Variants in AUTS2 observed in about 807,000 individuals in gnomAD.
The protein encoded by AUTS2 is autism susceptibility gene 2 protein.
In AUTS2, 17 loss-of-function variants were observed where a neutral mutation model predicts 112.4. The ratio of observed to expected loss-of-function variants is 0.15; its 90% CI spans 0.10 to 0.23. The LOEUF is 0.23. Ranked by LOEUF, AUTS2 falls within the 10% of genes least tolerant of loss-of-function variation. The pLI is 1.00. For synonymous variants in AUTS2, 751 were observed against 702.7 expected, an observed-to-expected ratio of 1.07 and a Z score of -1.09; for missense variants, 1,510 against 1,701.6, an observed-to-expected ratio of 0.89 and a Z score of 1.98.
intron 5 of AUTS2, among the ~76,000 whole-genome samples, chr7:70,573,380 A>G (rs937301612): frequency 2.6e-5 from 4 of 152,230 alleles, no homozygotes; most frequent in African/African-American, 9.6e-5. Context: ...GGAGAAAGGC[A>G]CCACGCTGTT....
At position 70,398,528 on chromosome 7, in the gene AUTS2, A is replaced by G. The variant is rs186413647; in HGVS notation, c.661-37224A>G. Among the ~76,000 whole-genome samples, 150 of 152,128 alleles carry G rather than the reference A, an allele frequency of 9.9e-4. 3 individuals are homozygous for G. Among genetic ancestry groups the G allele is most frequent in the Non-Finnish European group, 1.5e-4 (10 of 67,982 alleles). ...AAATGATAACATTTTTAAAATTTAA[A>G]TTTTTGATTGTTGCTAGTACAGTTT... On this transcript the variant is annotated intron_variant, in intron 4 of 18. Transcript: ENST00000342771.
At chr7:69,871,331 C>T (rs1201625612) in intron 1 of AUTS2, among the ~76,000 whole-genome samples, 2 of 152,200 alleles carry the variant, frequency 1.3e-5, no homozygotes, top group Admixed American at 1.3e-4. Context: ...GGTTGTCTGT[C>T]TTTCCTCTGG....
At chr7:70,282,211 C>T (rs1333655970) in intron 4 of AUTS2, among the ~76,000 whole-genome samples, 5 of 152,106 alleles carry the variant, frequency 3.3e-5, no homozygotes, top group Admixed American at 3.3e-4. Context: ...CTAGCATGCA[C>T]CTCAAAACTC....
At chr7:70,696,374 C>G (rs913097980) in intron 5 of AUTS2, among the ~76,000 whole-genome samples, 2 of 152,096 alleles carry the variant, frequency 1.3e-5, no homozygotes, top group Admixed American at 1.3e-4. Flanking sequence ...TCTGGGGAGG[C>G]CTTTCTGAGA....
rs1335397349 is a variant in AUTS2, at chr7:70,791,167, A to T, written c.*171A>T. 3.3e-6 allele frequency: 2 copies of T among 603,920 alleles called. No individual in the cohort carries two copies. The highest frequency in any genetic ancestry group is 4.9e-6 in the Non-Finnish European group (2 of 410,908). The allele number at this position is 603,920 out of a possible 1,614,324, so 37.4% of individuals were successfully genotyped here. A position where few individuals can be genotyped will look rare whatever the true frequency, so the allele number is the denominator to read the frequency against. On this transcript the variant is annotated 3_prime_UTR_variant, in exon 19 of 19. Transcript: ENST00000342771. The stretch of plus-strand genomic sequence containing the variant: ...CACATTTTGAAATGTTTTGTATATT[A>T]TATGTTGAGATTTTTCAGATCTTTT...
intron 4 of AUTS2, among the ~76,000 whole-genome samples, chr7:70,192,579 G>A (rs1809959885): frequency 1.3e-5 from 2 of 152,196 alleles, no homozygotes; most frequent in African/African-American, 2.4e-5. Context: ...AGTAGGTTAA[G>A]AACTGCCACA....
In AUTS2 at chr7:70,026,539, C is replaced by A. The variant is rs889387910; in HGVS notation, c.523-91593C>A. On this transcript the variant is annotated intron_variant, in intron 2 of 18. Coordinates refer to ENST00000342771, the MANE Select transcript of AUTS2 (RefSeq NM_015570.4). ...GCATTTCCTATAGCTTGGCATGGAA[C>A]GATTTGAATGTTTGTGGATGGTGCT... 2.3e-4 allele frequency among the ~76,000 whole-genome samples: 35 copies of A among 152,162 alleles called. 1 individual carries two copies. Among genetic ancestry groups the A allele is most frequent in the Middle Eastern group, 3.4e-3 (1 of 294 alleles).
intron 2 of AUTS2, among the ~76,000 whole-genome samples, chr7:70,034,905 C>T (rs1800933304): frequency 6.6e-6 from 1 of 152,118 alleles, no homozygotes; most frequent in Admixed American, 6.5e-5. Context: ...AATTACAGCT[C>T]AGTACAGCCT....
chr7:70,689,282 G>A (rs1392788890), intron 5 of AUTS2, among the ~76,000 whole-genome samples: 3 of 152,180 alleles, frequency 2.0e-5, no homozygotes, highest in Non-Finnish European at 4.4e-5. Context: ...TCAAGAGGCT[G>A]AGGTAGGAGG....
At chr7:69,726,636 A>G (rs952901188) in intron 1 of AUTS2, among the ~76,000 whole-genome samples, 10 of 152,118 alleles carry the variant, frequency 6.6e-5, no homozygotes, top group Non-Finnish European at 8.8e-5. Context: ...CAGTTTTCCA[A>G]AGTGGTTGTA....
chr7:70,166,817 A>G (rs1808407898), intron 4 of AUTS2, among the ~76,000 whole-genome samples: 1 of 152,268 alleles, frequency 6.6e-6, no homozygotes, highest in South Asian at 2.1e-4. Flanking sequence ...AGCAGAGATT[A>G]TAAAATTGGA....
At chr7:69,851,414 T>A (rs552460921) in intron 1 of AUTS2, among the ~76,000 whole-genome samples, 1 of 152,330 alleles carries the variant, frequency 6.6e-6, no homozygotes, top group South Asian at 2.1e-4. Context: ...TGATGAATAC[T>A]TTTATTTTTA....
In AUTS2 at chr7:70,031,298, T is replaced by G. The variant is rs578030218; in HGVS notation, c.523-86834T>G. On this transcript the variant is annotated intron_variant, in intron 2 of 18. Coordinates refer to ENST00000342771, the MANE Select transcript of AUTS2 (RefSeq NM_015570.4). ...GTGAAAACAGGAGAGCAGCCTCTAA[T>G]AATCTATGGATTTAATGACTGCAAC... is the stretch of plus-strand genomic sequence containing the variant. 2.0e-5 allele frequency among the ~76,000 whole-genome samples: 3 copies of G among 152,314 alleles called. No individual in the cohort carries two copies. In the East Asian group the frequency reaches 5.8e-4, roughly 29 times the overall value.
intron 1 of AUTS2, among the ~76,000 whole-genome samples, chr7:69,702,592 T>C (rs1247688240): frequency 1.3e-5 from 2 of 152,156 alleles, no homozygotes; most frequent in Non-Finnish European, 2.9e-5. Flanking sequence ...TTCTAAGAAT[T>C]GCACTTGTGG....
At chr7:69,879,343 T>A (rs555332710) in intron 1 of AUTS2, among the ~76,000 whole-genome samples, 26 of 149,116 alleles carry the variant, frequency 1.7e-4, no homozygotes, top group African/African-American at 6.3e-4. Context: ...AGAGACGGGA[T>A]TTTGCCATGT....
intron 2 of AUTS2, among the ~76,000 whole-genome samples, chr7:69,999,432 T>C (rs750708769): frequency 6.6e-6 from 1 of 152,180 alleles, no homozygotes; most frequent in Non-Finnish European, 1.5e-5. Context: ...CAGTGAAGAC[T>C]AGATAAAAAA....
intron 6 of AUTS2, among the ~76,000 whole-genome samples, chr7:70,746,030 G>T (rs970012953): frequency 2.0e-5 from 3 of 152,160 alleles, no homozygotes; most frequent in Non-Finnish European, 4.4e-5. Context: ...GATTTATCAA[G>T]TGCTCACTCT....
chr7:70,693,589 G>A (rs911983469), intron 5 of AUTS2, among the ~76,000 whole-genome samples: 3 of 152,212 alleles, frequency 2.0e-5, no homozygotes, highest in Non-Finnish European at 2.9e-5. Context: ...CGTGATCCCC[G>A]TCTCCATTTT....
At chr7:70,026,069 G>A (rs916154944) in intron 2 of AUTS2, among the ~76,000 whole-genome samples, 1 of 152,134 alleles carries the variant, frequency 6.6e-6, no homozygotes, top group African/African-American at 2.4e-5. Context: ...TTAATGTGCT[G>A]GCTCAGCCTT....
Sources: gnomAD v4.1 joint callset for allele counts (sites outside exome capture counted in the v4.1 genomes callset) on GRCh38, gnomAD v4.1.1 for gene constraint, MANE v1.5 for transcripts, NCBI Gene and HGNC (gene_info 2026-07-23, HGNC 2026-07-21) for gene names.